Variants in ARSB observed in about 807,000 individuals in gnomAD.
The protein encoded by ARSB is N-acetylgalactosamine-4-sulfatase.
A neutral mutation model predicts 50.9 loss-of-function variants in ARSB; 41 were observed. The ratio of observed to expected loss-of-function variants is 0.81; its 90% CI spans 0.63 to 1.04. The LOEUF (loss-of-function observed/expected upper bound fraction) is 1.04, where lower values mean the gene tolerates loss of function less well. ARSB is among the 50% of genes least tolerant of loss of function. The probability of loss-of-function intolerance (pLI) is 0.00; values close to 1 mark genes in which losing one functional copy is unlikely to be tolerated. For synonymous variants in ARSB, 269 were observed against 284.8 expected (o/e 0.94, Z 0.56); for missense variants, 672 against 693.3 (o/e 0.97, Z 0.35).
chr5:78,905,896 T>C (rs1749039162), intron 4 of ARSB, among the ~76,000 whole-genome samples: 1 of 122,938 alleles, frequency 8.1e-6, no homozygotes, highest in Admixed American at 9.7e-5. Context: ...AGGTTGCCTT[T>C]GGGAGCAAAG....
chr5:78,878,900 C>T lies in ARSB; in HGVS notation c.1142+6684G>A, dbSNP rs148724415. Among the ~76,000 whole-genome samples, 1,421 of 151,926 alleles carry T rather than the reference C, an allele frequency of 9.4e-3. 21 individuals are homozygous for T. Among genetic ancestry groups the T allele is most frequent in the African/African-American group, 0.032 (1,319 of 41,420 alleles). ...ACAGGATCTTGCTCTGTTGCCCAGG[C>T]TGGAGTGCAGTGGCATGATCACAAC... On this transcript the variant is annotated intron_variant, in intron 5 of 7. Transcript: ENST00000264914.
chr5:78,937,443 A>G (rs1275305601), intron 4 of ARSB, among the ~76,000 whole-genome samples: 2 of 145,160 alleles, frequency 1.4e-5, no homozygotes, highest in Non-Finnish European at 3.0e-5. Context: ...TATGATATAT[A>G]TATCTTATAT....
In ARSB at chr5:78,777,823, G is replaced by A. The variant is rs1458266278; in HGVS notation, c.*2574C>T. 7.4e-6 allele frequency: 1 copy of A among 135,858 alleles called. No homozygotes were observed. The highest frequency in any genetic ancestry group is 1.5e-5 in the Non-Finnish European group (1 of 66,052). 8.4% of individuals were successfully genotyped at this position (135,858 alleles called of 1,614,324 possible). On this transcript the variant is annotated 3_prime_UTR_variant, in exon 8 of 8. Coordinates refer to ENST00000264914, the MANE Select transcript of ARSB (RefSeq NM_000046.5). ...GCCGAGATCACACCACTGCACTCCA[G>A]CCTGGGTGACAGAGCGAGACTCCAT...
At chr5:78,869,225 T>C (rs10942877) in intron 5 of ARSB, among the ~76,000 whole-genome samples, 54,945 of 80,442 alleles carry the variant, frequency 0.68, 20,926 homozygotes, top group Middle Eastern at 0.77. Context: ...GAGACTTCAA[T>C]ACCCCACTGT....
chr5:78,844,192 A>C (rs1337484285), intron 5 of ARSB, among the ~76,000 whole-genome samples: 1 of 152,174 alleles, frequency 6.6e-6, no homozygotes, highest in Admixed American at 6.6e-5. Flanking sequence ...ATTTCTCCAC[A>C]TCTTTGACAA....
intron 4 of ARSB, among the ~76,000 whole-genome samples, chr5:78,911,608 A>G (rs1749314818): frequency 8.5e-6 from 1 of 118,012 alleles, no homozygotes. Flanking sequence ...AAAAAAAAAA[A>G]AAAGAATAAC....
At chr5:78,956,498 A>C (rs1332014867) in intron 3 of ARSB, among the ~76,000 whole-genome samples, 1 of 152,192 alleles carries the variant, frequency 6.6e-6, no homozygotes, top group Non-Finnish European at 1.5e-5. Context: ...ACTTTAAATG[A>C]GTGAATTTTA....
Position 78,931,967 on chromosome 5 carries a change from C to T in ARSB, c.898+23328G>A, listed in dbSNP as rs558691251. Among the ~76,000 whole-genome samples, 3 of 152,066 alleles carry T rather than the reference C, an allele frequency of 2.0e-5. No individual in the cohort carries two copies. The South Asian group carries it at 6.2e-4, about 32-fold the overall frequency. ...AAGATGTGCTTGCTTTCCCTTCCGC[C>T]GTGATTGTAAGTTTCCTGAGGCCTC... is the stretch of plus-strand genomic sequence containing the variant. On this transcript the variant is annotated intron_variant, in intron 4 of 7. Coordinates refer to ENST00000264914, the MANE Select transcript of ARSB (RefSeq NM_000046.5).
rs1199695884 is a variant in ARSB, at chr5:78,939,892, C to G, written c.898+15403G>C. On this transcript the variant is annotated intron_variant, in intron 4 of 7. Coordinates refer to ENST00000264914, the MANE Select transcript of ARSB (RefSeq NM_000046.5). ...ACAATGGTTGAACTAGTTTATAGTC[C>G]CACCAACAGTGTAAAAGTGTTCCTA... Among the ~76,000 whole-genome samples, 3 of 152,232 alleles carry G rather than the reference C, an allele frequency of 2.0e-5. No individual in the cohort carries two copies. The East Asian group carries it at 5.8e-4, about 29-fold the overall frequency.
intron 5 of ARSB, among the ~76,000 whole-genome samples, chr5:78,846,141 C>T (rs1239485240): frequency 6.6e-6 from 1 of 152,170 alleles, no homozygotes; most frequent in Non-Finnish European, 1.5e-5. Flanking sequence ...AAAAGACTGT[C>T]TCTTCCTCAA....
intron 3 of ARSB, among the ~76,000 whole-genome samples, chr5:78,962,122 T>C (rs1322999721): frequency 6.6e-6 from 1 of 152,172 alleles, no homozygotes. Flanking sequence ...ATTCTGATTC[T>C]GACTCTCAAT....
At chr5:78,903,351 T>C (rs1748888034) in intron 4 of ARSB, among the ~76,000 whole-genome samples, 1 of 152,184 alleles carries the variant, frequency 6.6e-6, no homozygotes, top group South Asian at 2.1e-4. Flanking sequence ...CCACTCCATG[T>C]ATATTTCAGA....
chr5:78,984,618 C>G (rs941961424), intron 1 of ARSB, among the ~76,000 whole-genome samples: 55 of 152,322 alleles, frequency 3.6e-4, no homozygotes, highest in African/African-American at 1.3e-3. Flanking sequence ...CTCCGCCTGC[C>G]GGCCGCGGCG....
chr5:78,899,989 A>G (rs193123), intron 4 of ARSB, among the ~76,000 whole-genome samples: 109,643 of 152,060 alleles, frequency 0.72, 40,312 homozygotes, highest in East Asian at 0.98. Context: ...TTGCAACTAG[A>G]TTGCTGCCTC....
intron 4 of ARSB, among the ~76,000 whole-genome samples, chr5:78,930,771 T>C (rs1750286966): frequency 6.6e-6 from 1 of 152,252 alleles, no homozygotes; most frequent in Non-Finnish European, 1.5e-5. Context: ...TGGGGATTTT[T>C]TTCAAATATA....
rs552936674 is a variant in ARSB at position 78,921,634 on chromosome 5, T to G, written c.898+33661A>C. Among the ~76,000 whole-genome samples the G allele has an allele frequency of 2.0e-5, 3 of 152,298 alleles. No homozygotes were observed. In the South Asian group the frequency reaches 6.2e-4, roughly 32 times the overall value. On this transcript the variant is annotated intron_variant, in intron 4 of 7. Coordinates refer to ENST00000264914, the MANE Select transcript of ARSB (RefSeq NM_000046.5). ...ATGTATCTTTTCTGACCACAATGCT[T>G]TGAAACCAGAAATCAGTAACAGAAG... is the stretch of plus-strand genomic sequence containing the variant.
intron 6 of ARSB, among the ~76,000 whole-genome samples, chr5:78,794,827 C>T (rs1286017993): frequency 6.6e-6 from 1 of 152,214 alleles, no homozygotes; most frequent in African/African-American, 2.4e-5. Flanking sequence ...ACTTACTAAA[C>T]ATGTGCTGTT....
intron 6 of ARSB, among the ~76,000 whole-genome samples, chr5:78,800,629 G>T (rs1235361443): frequency 6.6e-6 from 1 of 152,158 alleles, no homozygotes; most frequent in Non-Finnish European, 1.5e-5. Context: ...ATTTTTTGGA[G>T]GGTGTGCAAG....
chr5:78,952,132 C>T (rs1751516049), intron 4 of ARSB, among the ~76,000 whole-genome samples: 2 of 152,208 alleles, frequency 1.3e-5, no homozygotes, highest in South Asian at 4.1e-4. Flanking sequence ...CTCATTTTCT[C>T]AGTGAGAAGC....
Sources: allele counts gnomAD v4.1 joint callset (sites outside exome capture counted in the v4.1 genomes callset), GRCh38; gene constraint gnomAD v4.1.1; transcripts MANE v1.5; gene names NCBI Gene and HGNC (gene_info 2026-07-23, HGNC 2026-07-21).